The following RGS3 variants were observed in gnomAD, a reference collection of about 807,000 sequenced individuals.
The protein encoded by RGS3 is regulator of G protein signaling 3, also known as regulator of G-protein signalling 3.
In RGS3, 80 loss-of-function variants were observed where a neutral mutation model predicts 132.6. The observed-to-expected ratio is 0.60, with a 90% CI of 0.50 to 0.73. RGS3 has a LOEUF of 0.73. Ranked by LOEUF, RGS3 falls within the 30% of genes least tolerant of loss-of-function variation. RGS3 has a pLI of 0.00. For synonymous variants in RGS3, 598 were observed against 620.6 expected (o/e 0.96, Z 0.54); for missense variants, 1,382 against 1,530.8 (o/e 0.90, Z 1.62).
intron 7 of RGS3, among the ~76,000 whole-genome samples, chr9:113,495,273 G>A (rs1830644982): frequency 1.3e-5 from 2 of 152,210 alleles, no homozygotes; most frequent in Non-Finnish European, 2.9e-5. Context: ...TGCCCTGCTG[G>A]TGGCCAGGTC....
rs184970989 is a variant in RGS3 at position 113,584,546 on chromosome 9, C to T, written c.3015+119C>T. The T allele has an allele frequency of 2.1e-5, 25 of 1,173,632 alleles. No homozygotes were observed. In the East Asian group the frequency reaches 3.2e-4, roughly 15 times the overall value. The allele number at this position is 1,173,632 out of a possible 1,614,324, so 72.7% of individuals were successfully genotyped here. ...CCCCACTATCCTGGCAGCCTCCCAG[C>T]GAACTTTCCACCTGTTGGACAGAAG... On this transcript the variant is annotated intron_variant, in intron 20 of 24. Coordinates refer to ENST00000350696, the Ensembl canonical transcript of RGS3.
rs1405628533 is a variant in RGS3 at position 113,506,958 on chromosome 9, G to A, written c.1086-329G>A. Among the ~76,000 whole-genome samples, 1 of 152,200 alleles carries A rather than the reference G, an allele frequency of 6.6e-6. No individual in the cohort carries two copies. The highest frequency in any genetic ancestry group is 2.4e-5 in the African/African-American group (1 of 41,452). ...TTCTGGAATAACCAGATGAGGGCTTGCACTTAGGTGACCTGCTAGCTTTAC... is the reference window on the plus strand; with the variant it reads ...TTCTGGAATAACCAGATGAGGGCTTACACTTAGGTGACCTGCTAGCTTTAC... On this transcript the variant is annotated intron_variant, in intron 12 of 24. Coordinates refer to ENST00000350696, the Ensembl canonical transcript of RGS3. The surrounding 1 kb of genome is among the most constrained non-coding windows in gnomAD (Gnocchi z 4.7).
At chr9:113,580,984 C>T (rs1328000066) in intron 19 of RGS3, 1 of 970,462 alleles carries the variant, frequency 1.0e-6, no homozygotes, top group Non-Finnish European at 1.2e-6. Context: ...TTCCTTCCGT[C>T]TTTCCCCAAG....
Position 113,595,702 on chromosome 9 carries a change from C to G in RGS3, c.3348C>G (p.Ser1116=), listed in dbSNP as rs1361574622. Residue 1116 remains serine (S), a synonymous_variant, in exon 24 of 25, where the codon TCC becomes TCG. Coordinates refer to ENST00000350696, the Ensembl canonical transcript of RGS3. ...ACTTCAAGAAGGTCAAGTCACAGTC[C>G]AAGATGGCATCCAAGGCCAAGAAGA... The G allele has an allele frequency of 3.1e-6, 5 of 1,614,040 alleles. No individual in the cohort carries two copies. The African/African-American group carries it at 6.7e-5, about 22-fold the overall frequency.
intron 20 of RGS3, chr9:113,589,948 T>C (rs1835333281): frequency 6.6e-6 from 1 of 152,228 alleles, no homozygotes; most frequent in Admixed American, 6.5e-5. Context: ...AAACACTTGC[T>C]CTGAAATCAC....
intron 1 of RGS3, among the ~76,000 whole-genome samples, chr9:113,447,323 GTATATGTA>G (rs1174925164): frequency 1.4e-4 from 4 of 29,422 alleles, no homozygotes; most frequent in Non-Finnish European, 2.7e-4. Flanking sequence ...TCTGATGTAT[GTATATGTA>G]TATATATATA....
Position 113,454,683 on chromosome 9 carries a change from CTT to C in RGS3, c.-12-5541_-12-5540del, listed in dbSNP as rs772993021. The stretch of plus-strand genomic sequence containing the variant: ...GATCCTTTTGGGTCTTGCTTTTAAA[CTT>C]TTTTTTTTTTTTTTTTTTTTAGATG... On this transcript the variant is annotated intron_variant, in intron 1 of 25. Transcript: ENST00000374140. 3.6e-3 allele frequency among the ~76,000 whole-genome samples: 435 copies of C among 121,228 alleles called. 2 individuals are homozygous for C. The highest frequency in any genetic ancestry group is 7.0e-3 in the African/African-American group (232 of 33,030). 79.5% of individuals were successfully genotyped at this position (121,228 alleles called of 152,430 possible).
At chr9:113,484,328 AAAAAAAAAAAAAAAAAAAAAACCAAAAC>A in intron 6 of RGS3, 96 bp downstream of exon 4, 7 of 223,940 alleles carry the variant, frequency 3.1e-5, no homozygotes, top group South Asian at 9.9e-5. Context: ...AGATCTATGC[AAAAAAAAAAAAAAAAAAAAAACCAAAAC>A]AAAAAAAACC....
chr9:113,580,361 TCCTTTAC>T (rs1383809140), intron 19 of RGS3, among the ~76,000 whole-genome samples: 1 of 152,186 alleles, frequency 6.6e-6, no homozygotes, highest in Admixed American at 6.5e-5. Flanking sequence ...CTTAGGTAAT[TCCTTTAC>T]CCTCTGGGAC....
At position 113,565,012 on chromosome 9, in the gene RGS3, G is replaced by A. The variant is rs952764739; in HGVS notation, c.2038-18438G>A. ...AGGCGGCTTTGCGCTGCCCCAGCCT[G>A]GGAGCCCTCAGGATGTGTGTGGGGT... is the stretch of plus-strand genomic sequence containing the variant. On this transcript the variant is annotated intron_variant, in intron 19 of 24. Coordinates refer to ENST00000350696, the Ensembl canonical transcript of RGS3. This position sits in a 1 kb window ranked among gnomAD's most constrained non-coding sequence, Gnocchi z 5.7. The A allele has an allele frequency of 9.6e-7, 1 of 1,036,866 alleles. No individual in the cohort carries two copies. The highest frequency in any genetic ancestry group is 1.7e-5 in the African/African-American group (1 of 58,530). 64.2% of individuals were successfully genotyped at this position (1,036,866 alleles called of 1,614,324 possible).
chr9:113,531,300 A>G (rs1832454145), intron 18 of RGS3, among the ~76,000 whole-genome samples: 1 of 152,300 alleles, frequency 6.6e-6, no homozygotes, highest in Non-Finnish European at 1.5e-5. Context: ...TCTAACCTAG[A>G]ATCTGATGTT....
At chr9:113,451,174 G>A (rs547519022) in intron 1 of RGS3, among the ~76,000 whole-genome samples, 27 of 145,898 alleles carry the variant, frequency 1.9e-4, no homozygotes, top group East Asian at 6.0e-4. Context: ...GCAAGACTCC[G>A]TCTCAAAAAA....
intron 7 of RGS3, among the ~76,000 whole-genome samples, chr9:113,493,323 T>C (rs985372684): frequency 6.6e-6 from 1 of 152,082 alleles, no homozygotes; most frequent in African/African-American, 2.4e-5. Flanking sequence ...CCTTTTTGAA[T>C]AGATTATTAA....
At chr9:113,448,895 TG>T (rs1829179099) in intron 1 of RGS3, among the ~76,000 whole-genome samples, 1 of 152,160 alleles carries the variant, frequency 6.6e-6, no homozygotes, top group African/African-American at 2.4e-5. Flanking sequence ...GGTTGGGTTT[TG>T]GCAAGTGAAG....
At chr9:113,590,420 C>T (rs1486406865) in intron 20 of RGS3, among the ~76,000 whole-genome samples, 1 of 130,876 alleles carries the variant, frequency 7.6e-6, no homozygotes, top group Non-Finnish European at 1.6e-5. Flanking sequence ...ACCCACCCAT[C>T]CATCTATTCA....
chr9:113,545,576 C>T (rs1288192455), intron 19 of RGS3, among the ~76,000 whole-genome samples: 1 of 152,056 alleles, frequency 6.6e-6, no homozygotes, highest in Non-Finnish European at 1.5e-5. Context: ...TTTTTTTTAG[C>T]CCCTGAAGAA....
intron 17 of RGS3, among the ~76,000 whole-genome samples, chr9:113,523,548 C>G (rs1007543264): frequency 2.0e-5 from 3 of 152,212 alleles, no homozygotes; most frequent in African/African-American, 7.2e-5. Flanking sequence ...GAGACCGCAA[C>G]TCGGCTCTAC....
At chr9:113,535,733 A>G (rs1832651730) in intron 18 of RGS3, among the ~76,000 whole-genome samples, 1 of 152,020 alleles carries the variant, frequency 6.6e-6, no homozygotes, top group African/African-American at 2.4e-5. Flanking sequence ...TTTCTGTTCC[A>G]AGGGATCAGC....
At chr9:113,489,341 A>T (rs1430666302) in intron 7 of RGS3, among the ~76,000 whole-genome samples, 2 of 152,220 alleles carry the variant, frequency 1.3e-5, no homozygotes, top group Non-Finnish European at 2.9e-5. Flanking sequence ...GGTAACACAG[A>T]TAGGGTGCCG....
Sources: allele counts gnomAD v4.1 joint callset (sites outside exome capture counted in the v4.1 genomes callset), GRCh38; gene constraint gnomAD v4.1.1; non-coding constraint Gnocchi (gnomAD v3.1); transcripts MANE v1.5; gene names NCBI Gene and HGNC (gene_info 2026-07-23, HGNC 2026-07-21).